Variants in CLSTN2 observed in about 807,000 individuals in gnomAD.
The protein encoded by CLSTN2 is calsyntenin-2.
CLSTN2 carries 48 observed loss-of-function variants against 101.2 expected under a neutral mutation model. That is an observed-to-expected ratio of 0.47 (90% CI 0.38 to 0.60). The LOEUF is 0.60. Among genes scored for constraint, CLSTN2 ranks in the 20% least tolerant of loss-of-function variants. The pLI, the probability that CLSTN2 is intolerant of heterozygous loss-of-function variation, is 0.00. For synonymous variants in CLSTN2, 481 were observed against 463.6 expected, an observed-to-expected ratio of 1.04 and a Z score of -0.48; for missense variants, 1,160 against 1,238.2, an observed-to-expected ratio of 0.94 and a Z score of 0.95.
intron 8 of CLSTN2, among the ~76,000 whole-genome samples, chr3:140,478,333 GAA>G (rs58667320): frequency 0.41 from 46,290 of 112,352 alleles, 7,239 homozygotes; most frequent in Non-Finnish European, 0.43. Context: ...AAAACATCCA[GAA>G]AAAAAAAAAA....
intron 8 of CLSTN2, among the ~76,000 whole-genome samples, chr3:140,494,633 G>T (rs759956119): frequency 4.6e-5 from 7 of 152,104 alleles, no homozygotes; most frequent in Non-Finnish European, 1.0e-4. Context: ...ACCCCCAACA[G>T]GTCCCAGTGT....
intron 4 of CLSTN2, among the ~76,000 whole-genome samples, chr3:140,415,985 A>T (rs1311346753): frequency 1.3e-5 from 2 of 152,222 alleles, no homozygotes; most frequent in Non-Finnish European, 2.9e-5. Flanking sequence ...GATAAAAAAT[A>T]TGTGGGAGAT....
At chr3:139,989,283 G>T (rs1019158137) in intron 1 of CLSTN2, among the ~76,000 whole-genome samples, 5 of 152,136 alleles carry the variant, frequency 3.3e-5, no homozygotes, top group Admixed American at 1.3e-4. Context: ...TACTGCAGGG[G>T]CAGGGTACCC....
intron 8 of CLSTN2, among the ~76,000 whole-genome samples, chr3:140,476,270 A>C (rs1933982189): frequency 6.6e-6 from 1 of 152,240 alleles, no homozygotes; most frequent in Non-Finnish European, 1.5e-5. Context: ...GGCACTGGCC[A>C]CTGTGAAGTC....
chr3:140,439,740 C>T (rs73228995), intron 5 of CLSTN2, among the ~76,000 whole-genome samples: 5,440 of 116,392 alleles, frequency 0.047, 122 homozygotes, highest in Non-Finnish European at 0.067. Flanking sequence ...CACACGTGCA[C>T]GTGCACACAC....
chr3:140,256,587 A>G (rs1476087740), intron 2 of CLSTN2, among the ~76,000 whole-genome samples: 2 of 152,222 alleles, frequency 1.3e-5, no homozygotes, highest in Non-Finnish European at 2.9e-5. Flanking sequence ...TTAGTTTCAG[A>G]TTGATATTTC....
At chr3:140,126,253 G>C (rs1468247751) in intron 1 of CLSTN2, among the ~76,000 whole-genome samples, 2 of 152,086 alleles carry the variant, frequency 1.3e-5, no homozygotes, top group African/African-American at 4.8e-5. Context: ...AGAAGGTGAA[G>C]TGCTTGGAGA....
At chr3:140,395,536 C>T (rs984737170) in intron 2 of CLSTN2, among the ~76,000 whole-genome samples, 11 of 152,244 alleles carry the variant, frequency 7.2e-5, no homozygotes, top group African/African-American at 2.6e-4. Flanking sequence ...TCCGAGTATC[C>T]CCAACCCAGA....
intron 2 of CLSTN2, among the ~76,000 whole-genome samples, chr3:140,287,964 A>T (rs564893142): frequency 6.6e-6 from 1 of 152,320 alleles, no homozygotes; most frequent in African/African-American, 2.4e-5. Flanking sequence ...TAAGTTGCTC[A>T]TCTTTCAAAA....
chr3:140,282,395 G>A (rs1324406919), intron 2 of CLSTN2, among the ~76,000 whole-genome samples: 3 of 152,144 alleles, frequency 2.0e-5, no homozygotes, highest in Non-Finnish European at 4.4e-5. Flanking sequence ...AGGGTCTGGA[G>A]TGTGACCAAG....
chr3:140,264,095 C>T (rs2086675473), intron 2 of CLSTN2, among the ~76,000 whole-genome samples: 1 of 152,028 alleles, frequency 6.6e-6, no homozygotes, highest in Non-Finnish European at 1.5e-5. Context: ...CAGCTGAGGT[C>T]AAACGAGGTG....
intron 2 of CLSTN2, among the ~76,000 whole-genome samples, chr3:140,233,129 G>C (rs540071885): frequency 6.6e-6 from 1 of 152,106 alleles, no homozygotes; most frequent in Admixed American, 6.6e-5. Context: ...TTGATACTCT[G>C]ACCCTAGATT....
intron 2 of CLSTN2, among the ~76,000 whole-genome samples, chr3:140,360,098 T>C (rs2087712019): frequency 6.6e-6 from 1 of 151,960 alleles, no homozygotes; most frequent in Non-Finnish European, 1.5e-5. Context: ...AATTTAGGAG[T>C]ATGTACTGGT....
At chr3:140,000,800 A>G (rs371143683) in intron 1 of CLSTN2, among the ~76,000 whole-genome samples, 26 of 152,214 alleles carry the variant, frequency 1.7e-4, no homozygotes, top group South Asian at 4.1e-4. Context: ...CTAGTTTTCT[A>G]TCCTATGTCA....
At chr3:140,521,641 T>C (rs1344005737) in intron 8 of CLSTN2, among the ~76,000 whole-genome samples, 1 of 152,198 alleles carries the variant, frequency 6.6e-6, no homozygotes, top group Non-Finnish European at 1.5e-5. Flanking sequence ...TGGCTGATTT[T>C]TGGTAGTGCA....
chr3:140,152,657 C>G (rs1046895626), intron 1 of CLSTN2, among the ~76,000 whole-genome samples: 2 of 152,112 alleles, frequency 1.3e-5, no homozygotes, highest in Non-Finnish European at 2.9e-5. Flanking sequence ...TTAGTGCAGT[C>G]TCATTTGTGG....
At chr3:140,394,865 G>A (rs1361527778) in intron 2 of CLSTN2, among the ~76,000 whole-genome samples, 1 of 152,166 alleles carries the variant, frequency 6.6e-6, no homozygotes, top group Non-Finnish European at 1.5e-5. Context: ...GTCCAGGGAT[G>A]GTTTGCTGAG....
chr3:140,126,402 A>C (rs1170718682), intron 1 of CLSTN2, among the ~76,000 whole-genome samples: 1 of 151,306 alleles, frequency 6.6e-6, no homozygotes, highest in Non-Finnish European at 1.5e-5. Context: ...ATACTTCCAC[A>C]CCTCCAGACC....
At chr3:140,434,181 C>T (rs1368600963) in intron 5 of CLSTN2, among the ~76,000 whole-genome samples, 51 of 152,188 alleles carry the variant, frequency 3.4e-4, no homozygotes, top group Non-Finnish European at 1.5e-5. Flanking sequence ...ACAGTGCCCC[C>T]TTCTCCCCAC....
Sources: allele counts gnomAD v4.1 joint callset (sites outside exome capture counted in the v4.1 genomes callset), GRCh38; gene constraint gnomAD v4.1.1; transcripts MANE v1.5; gene names NCBI Gene and HGNC (gene_info 2026-07-23, HGNC 2026-07-21).